Variants in ZFX observed in about 807,000 individuals in gnomAD.
The protein encoded by ZFX is zinc finger X-chromosomal protein.
For missense variants in ZFX, 362 were observed against 628.3 expected, an observed-to-expected ratio of 0.58 and a Z score of 4.53; for synonymous variants, 196 against 226.8, an observed-to-expected ratio of 0.86 and a Z score of 1.22.
intron 5 of ZFX, among the ~76,000 whole-genome samples, chrX:24,194,870 C>T (rs1311684577): frequency 9.2e-6 from 1 of 109,028 alleles, no homozygotes; most frequent in Non-Finnish European, 1.9e-5. Context: ...CCTCAGCCCC[C>T]CAAGTAGCTG....
rs1322139794 is a variant in ZFX, at chrX:24,215,758, C to T, written c.*4382C>T. The T allele has an allele frequency of 2.7e-5, 3 of 110,590 alleles. No homozygotes were observed. Among genetic ancestry groups the T allele is most frequent in the Admixed American group, 9.8e-5 (1 of 10,239 alleles). 9.1% of individuals were successfully genotyped at this position (110,590 alleles called of 1,213,427 possible). On this transcript the variant is annotated 3_prime_UTR_variant, in exon 10 of 10. Transcript: ENST00000304543. ...TAAATAGCCTGCACTTCCTAAATCT[C>T]GTGTGGCCTCCCATGGTTACATTCT... is the stretch of plus-strand genomic sequence containing the variant.
At chrX:24,182,107 T>C (rs1425786063) in intron 5 of ZFX, among the ~76,000 whole-genome samples, 3 of 110,186 alleles carry the variant, frequency 2.7e-5, no homozygotes, top group African/African-American at 9.9e-5. Flanking sequence ...CCTTGGGAGA[T>C]TGGATGCCTA....
intron 5 of ZFX, among the ~76,000 whole-genome samples, chrX:24,205,235 G>C (rs947137051): frequency 8.0e-5 from 9 of 112,267 alleles, no homozygotes; most frequent in East Asian, 5.6e-4. Context: ...AGATAGGCCA[G>C]CTGGGCCTAG....
chrX:24,210,854 ACAC>A lies in ZFX; in HGVS notation c.1899_1901del (p.His633del). 2 of 1,211,914 alleles carry A rather than the reference ACAC, an allele frequency of 1.7e-6. No individual in the cohort carries two copies. The highest frequency in any genetic ancestry group is 2.2e-6 in the Non-Finnish European group (2 of 895,563). On this transcript the variant is annotated inframe_deletion, in exon 10 of 10. Transcript: ENST00000304543. ...CTCTTATCCACCAAGAAAGCAAAACACACCAGTGTTTGCATTGCGACCACAAGA... is the reference window on the plus strand; with the variant it reads ...CTCTTATCCACCAAGAAAGCAAAACACAGTGTTTGCATTGCGACCACAAGA...
At chrX:24,173,382 C>G (rs1934812636) in intron 4 of ZFX, among the ~76,000 whole-genome samples, 1 of 111,032 alleles carries the variant, frequency 9.0e-6, no homozygotes, top group Non-Finnish European at 1.9e-5. Context: ...TGACCCTGTC[C>G]TATTTTTATA....
At chrX:24,209,975 C>T (rs1029505526) in intron 9 of ZFX, among the ~76,000 whole-genome samples, 12 of 111,816 alleles carry the variant, frequency 1.1e-4, no homozygotes, top group African/African-American at 2.9e-4. Flanking sequence ...GGAGTGAAGG[C>T]GGTACAGTCT....
At position 24,214,283 on chromosome X, in the gene ZFX, C is replaced by CTGTA. The variant is rs1171861793; in HGVS notation, c.*2908_*2911dup. 4.9e-4 allele frequency: 55 copies of CTGTA among 111,811 alleles called. No individual in the cohort carries two copies. Among genetic ancestry groups the CTGTA allele is most frequent in the Non-Finnish European group, 1.1e-4 (6 of 53,022 alleles). 9.2% of individuals were successfully genotyped at this position (111,811 alleles called of 1,213,427 possible). On this transcript the variant is annotated 3_prime_UTR_variant, in exon 10 of 10. Coordinates refer to ENST00000304543, the MANE Select transcript of ZFX (RefSeq NM_003410.4). Reference sequence around the variant, plus strand: ...TATTAAATATTGTATGTCCCTCCCTCTGTACACTTTGTAAAGAAAGTAAAA... The same window carrying CTGTA: ...TATTAAATATTGTATGTCCCTCCCTCTGTATGTACACTTTGTAAAGAAAGTAAAA...
chrX:24,162,725 T>C (rs1378458289), intron 3 of ZFX, among the ~76,000 whole-genome samples: 1 of 112,159 alleles, frequency 8.9e-6, no homozygotes, highest in Non-Finnish European at 1.9e-5. Context: ...TTATTAAATC[T>C]ACCCTTTAAA....
intron 1 of ZFX, chrX:24,150,608 G>A (rs1265729960): frequency 3.5e-5 from 4 of 113,279 alleles, no homozygotes; most frequent in Non-Finnish European, 7.5e-5. Flanking sequence ...AGCGCCCCTG[G>A]CCCTGCGCCT....
At chrX:24,157,658 A>G (rs1601795591) in intron 3 of ZFX, among the ~76,000 whole-genome samples, 1 of 112,543 alleles carries the variant, frequency 8.9e-6, no homozygotes, top group East Asian at 2.8e-4. Context: ...GTGCTGCATC[A>G]CCAACACTCT....
intron 5 of ZFX, among the ~76,000 whole-genome samples, chrX:24,206,500 CGTGTGTGTGT>C (rs774457469): frequency 0.018 from 1,093 of 59,600 alleles, 12 homozygotes; most frequent in Non-Finnish European, 0.022. Context: ...CCATGCCTGG[CGTGTGTGTGT>C]GTGTGTGTGT....
At chrX:24,181,763 C>T (rs1463007067) in intron 5 of ZFX, among the ~76,000 whole-genome samples, 2 of 111,683 alleles carry the variant, frequency 1.8e-5, no homozygotes, top group African/African-American at 6.5e-5. Context: ...CATTTCCCTA[C>T]ACTGGAACCA....
At chrX:24,176,328 C>T (rs1253397790) in intron 4 of ZFX, among the ~76,000 whole-genome samples, 5 of 109,962 alleles carry the variant, frequency 4.5e-5, no homozygotes, top group South Asian at 3.8e-4. Flanking sequence ...TGTGAGCCAC[C>T]GTTCCCAGCC....
At chrX:24,191,469 T>G (rs1382816737) in intron 5 of ZFX, among the ~76,000 whole-genome samples, 3 of 111,662 alleles carry the variant, frequency 2.7e-5, no homozygotes, top group Non-Finnish European at 5.6e-5. Flanking sequence ...TTAAATGTAT[T>G]TATCTACTAA....
chrX:24,170,804 G>A (rs1326064202), intron 3 of ZFX, among the ~76,000 whole-genome samples: 1 of 109,251 alleles, frequency 9.2e-6, no homozygotes, highest in Non-Finnish European at 1.9e-5. Context: ...TAGAGGAGGG[G>A]TTTCGCCGTG....
intron 3 of ZFX, among the ~76,000 whole-genome samples, chrX:24,170,857 C>T (rs1182323887): frequency 9.0e-6 from 1 of 111,186 alleles, no homozygotes; most frequent in African/African-American, 3.3e-5. Context: ...GGTGATCTAC[C>T]CACCTCGGCC....
intron 3 of ZFX, among the ~76,000 whole-genome samples, chrX:24,163,376 T>TG (rs1933614633): frequency 1.5e-5 from 1 of 65,035 alleles, no homozygotes; most frequent in Non-Finnish European, 2.9e-5. Flanking sequence ...TTTTTTTTTT[T>TG]TTTTTTTTTT....
At chrX:24,207,957 A>G in intron 7 of ZFX, 102 bp downstream of exon 7, 1 of 1,009,058 alleles carries the variant, frequency 9.9e-7, no homozygotes, top group Non-Finnish European at 1.4e-6. Flanking sequence ...TTATTATGCT[A>G]CTACATTCCA....
intron 5 of ZFX, among the ~76,000 whole-genome samples, chrX:24,194,004 T>C (rs1230569872): frequency 9.0e-6 from 1 of 111,413 alleles, no homozygotes; most frequent in African/African-American, 3.3e-5. Context: ...GCCACCCTTT[T>C]ACTTTCTGTC....
Sources: gnomAD v4.1 joint callset for allele counts (sites outside exome capture counted in the v4.1 genomes callset) on GRCh38, gnomAD v4.1.1 for gene constraint, MANE v1.5 for transcripts, NCBI Gene and HGNC (gene_info 2026-07-23, HGNC 2026-07-21) for gene names.